Variants in ALDH4A1 observed in about 807,000 individuals in gnomAD.
ALDH4A1 encodes delta-1-pyrroline-5-carboxylate dehydrogenase, mitochondrial.
In ALDH4A1, 46 loss-of-function variants were observed where a neutral mutation model predicts 70.5. The ratio of observed to expected loss-of-function variants is 0.65; its 90% CI spans 0.51 to 0.83. ALDH4A1 has a LOEUF of 0.83. ALDH4A1 is among the 40% of genes least tolerant of loss of function. The probability of loss-of-function intolerance (pLI) is 0.00; values close to 1 mark genes in which losing one functional copy is unlikely to be tolerated. For missense variants in ALDH4A1, 749 were observed against 766.5 expected (o/e 0.98, Z 0.27); for synonymous variants, 323 against 324.3 (o/e 1.00, Z 0.04).
At chr1:18,881,053 G>A (rs1313473300) in intron 8 of ALDH4A1, among the ~76,000 whole-genome samples, 1 of 152,104 alleles carries the variant, frequency 6.6e-6, no homozygotes, top group African/African-American at 2.4e-5. Context: ...GCCTTAGTGT[G>A]AGCTCCAAAT....
chr1:18,885,434 C>CCCCCCCCCCCCCCCCCCCCCCCG, intron 5 of ALDH4A1, 39 bp downstream of exon 5: 1 of 593,534 alleles, frequency 1.7e-6, no homozygotes, highest in Non-Finnish European at 3.1e-6. Flanking sequence ...GACTCCCACC[C>CCCCCCCCCCCCCCCCCCCCCCCG]CACCCCGCCC....
intron 13 of ALDH4A1, among the ~76,000 whole-genome samples, chr1:18,874,873 C>G (rs28680194): frequency 0.07 from 10,610 of 152,262 alleles, 810 homozygotes; most frequent in African/African-American, 0.19. Context: ...TCAGGAGCAG[C>G]GGAAACTCCA....
At chr1:18,876,161 G>A (rs181591673) in intron 12 of ALDH4A1, among the ~76,000 whole-genome samples, 154 bp downstream of exon 12, 3 of 152,258 alleles carry the variant, frequency 2.0e-5, no homozygotes, top group Non-Finnish European at 4.4e-5. Context: ...TCAAAACCTG[G>A]CTCTACTCTC....
rs574327233 is a variant in ALDH4A1, at chr1:18,898,610, C to T, written c.62+3852G>A. Among the ~76,000 whole-genome samples the T allele has an allele frequency of 1.2e-4, 18 of 152,314 alleles. No individual in the cohort carries two copies. In the South Asian group the frequency reaches 2.7e-3, roughly 23 times the overall value. ...TTTCCATGTATGAGACCATTTAACA[C>T]GCAGGACAATCCTATGAGGTGACTA... is the stretch of plus-strand genomic sequence containing the variant. On this transcript the variant is annotated intron_variant, in intron 1 of 14. Coordinates refer to ENST00000375341, the MANE Select transcript of ALDH4A1 (RefSeq NM_003748.4). This position sits in a 1 kb window ranked among gnomAD's most constrained non-coding sequence, Gnocchi z 4.3.
chr1:18,883,166 G>C lies in ALDH4A1; in HGVS notation c.636C>G (p.Phe212Leu). Residue 212 changes from phenylalanine (F) to leucine (L), a missense_variant, in exon 7 of 15, where the codon TTC becomes TTG. Transcript: ENST00000375341. ...CCGCCAGGTTGCCGCCGATTGCAGT[G>C]AAGTTAAAGGGCGAGATGGCCGCCA... ...GFVAAISPFN[F>L]TAIGGNLAGA... The C allele has an allele frequency of 6.2e-7, 1 of 1,613,180 alleles. No individual in the cohort carries two copies. The highest frequency in any genetic ancestry group is 8.5e-7 in the Non-Finnish European group (1 of 1,180,042).
chr1:18,890,734 T>C (rs1935403535), intron 1 of ALDH4A1: 12 of 985,486 alleles, frequency 1.2e-5, no homozygotes, highest in East Asian at 1.1e-4. Context: ...CAAAACCACG[T>C]TGAAGTATTT....
At chr1:18,884,585 C>T (rs555726585) in intron 5 of ALDH4A1, among the ~76,000 whole-genome samples, 2 of 152,308 alleles carry the variant, frequency 1.3e-5, no homozygotes, top group Admixed American at 1.3e-4. Flanking sequence ...AACCATTGAT[C>T]AGGGGCTTGC....
chr1:18,885,369 C>T lies in ALDH4A1; in HGVS notation c.453+104G>A. ...GGACATCTCTGGGTCCCCAAAAGGG[C>T]TTAGGACCCAGAAGCGCTTCAGCTG... On this transcript the variant is annotated intron_variant, in intron 5 of 14. Coordinates refer to ENST00000375341, the MANE Select transcript of ALDH4A1 (RefSeq NM_003748.4). 4.8e-6 allele frequency: 6 copies of T among 1,253,204 alleles called. No homozygotes were observed. The South Asian group carries it at 8.2e-5, about 17-fold the overall frequency. 77.6% of individuals were successfully genotyped at this position (1,253,204 alleles called of 1,614,324 possible). A position where few individuals can be genotyped will look rare whatever the true frequency, so the allele number is the denominator to read the frequency against.
chr1:18,891,317 C>G (rs1164651677), intron 1 of ALDH4A1, among the ~76,000 whole-genome samples: 3 of 152,208 alleles, frequency 2.0e-5, no homozygotes, highest in African/African-American at 7.2e-5. Context: ...CACCAGCCAC[C>G]TCTCTACAGA....
intron 1 of ALDH4A1, chr1:18,900,857 G>A: frequency 1.0e-6 from 1 of 985,010 alleles, no homozygotes; most frequent in South Asian, 4.7e-5. Context: ...GATAATACAG[G>A]AATGAGACAG....
chr1:18,898,037 C>G lies in ALDH4A1; in HGVS notation c.62+4425G>C, dbSNP rs560407091. ...CAGGGTCAAAACCCTAACAGAAGGT[C>G]GGACGCAGTGGCTCACGCCTATAAT... On this transcript the variant is annotated intron_variant, in intron 1 of 14. Coordinates refer to ENST00000375341, the MANE Select transcript of ALDH4A1 (RefSeq NM_003748.4). This position sits in a 1 kb window ranked among gnomAD's most constrained non-coding sequence, Gnocchi z 4.3. Among the ~76,000 whole-genome samples, 1 of 151,826 alleles carries G rather than the reference C, an allele frequency of 6.6e-6. No homozygotes were observed. The highest frequency in any genetic ancestry group is 2.1e-4 in the South Asian group (1 of 4,814).
intron 5 of ALDH4A1, 46 bp downstream of exon 5, chr1:18,885,427 T>TACCACCCCCCCCCCCCC: frequency 1.5e-6 from 1 of 650,922 alleles, no homozygotes; most frequent in African/African-American, 1.9e-5. Context: ...CACACCTGAC[T>TACCACCCCCCCCCCCCC]CCCACCCCAC....
intron 1 of ALDH4A1, among the ~76,000 whole-genome samples, chr1:18,891,132 G>A (rs1935417091): frequency 6.6e-6 from 1 of 152,204 alleles, no homozygotes; most frequent in African/African-American, 2.4e-5. Context: ...GGACGCTGGG[G>A]TCAGTCATTC....
At chr1:18,885,336 TCC>T in intron 5 of ALDH4A1, 135 bp downstream of exon 5, 1 of 814,730 alleles carries the variant, frequency 1.2e-6, no homozygotes, top group Non-Finnish European at 2.0e-6. Context: ...CTAGGCCTTG[TCC>T]CTTGAGGACA....
intron 1 of ALDH4A1, among the ~76,000 whole-genome samples, chr1:18,897,719 G>C (rs553973942): frequency 2.0e-5 from 3 of 152,340 alleles, no homozygotes; most frequent in African/African-American, 7.2e-5. Flanking sequence ...TTACTCAGGA[G>C]ACTTACAGTA....
chr1:18,879,205 T>C, intron 9 of ALDH4A1, 95 bp downstream of exon 9: 2 of 1,282,778 alleles, frequency 1.6e-6, no homozygotes, highest in Non-Finnish European at 2.2e-6. Flanking sequence ...CCACCTGACT[T>C]GTGGCTGGAT....
chr1:18,888,419 A>G (rs1935302818), intron 3 of ALDH4A1, among the ~76,000 whole-genome samples: 1 of 152,222 alleles, frequency 6.6e-6, no homozygotes, highest in Non-Finnish European at 1.5e-5. Flanking sequence ...CTCGTGCCAC[A>G]GTGATCAGCA....
intron 1 of ALDH4A1, among the ~76,000 whole-genome samples, chr1:18,896,801 AGGAATTGCTTGTACCCG>A (rs1317896638): frequency 6.6e-6 from 1 of 151,958 alleles, no homozygotes. Flanking sequence ...GCTGAGGAAG[AGGAATTGCTTGTACCCG>A]GGAAGAAGAG....
intron 2 of ALDH4A1, among the ~76,000 whole-genome samples, 192 bp from the exon 3 acceptor site, chr1:18,889,646 AC>A (rs1935357583): frequency 6.6e-6 from 1 of 152,160 alleles, no homozygotes; most frequent in African/African-American, 2.4e-5. Flanking sequence ...AGCCATTGTC[AC>A]CCTGCAGGAA....
Sources: gnomAD v4.1 joint callset for allele counts (sites outside exome capture counted in the v4.1 genomes callset) on GRCh38, gnomAD v4.1.1 for gene constraint, Gnocchi (gnomAD v3.1) non-coding constraint, MANE v1.5 for transcripts, NCBI Gene and HGNC (gene_info 2026-07-23, HGNC 2026-07-21) for gene names.